Variants in MS4A4E observed in about 807,000 individuals in gnomAD.
The protein encoded by MS4A4E is putative membrane-spanning 4-domains subfamily A member 4E.
MS4A4E carries 23 observed loss-of-function variants against 13.3 expected under a neutral mutation model. The observed-to-expected ratio is 1.73, with a 90% CI of 1.25 to 2.45. The LOEUF is 2.45. MS4A4E is among the 30% of genes most tolerant of loss of function. MS4A4E has a pLI of 0.00. For synonymous variants in MS4A4E, 36 were observed against 45.6 expected, an observed-to-expected ratio of 0.79 and a Z score of 0.85; for missense variants, 144 against 131.2, an observed-to-expected ratio of 1.10 and a Z score of -0.48.
At chr11:60,241,210 G>A (rs899926434) in intron 1 of MS4A4E, among the ~76,000 whole-genome samples, 5 of 152,130 alleles carry the variant, frequency 3.3e-5, no homozygotes, top group Non-Finnish European at 1.5e-5. Flanking sequence ...ATTTTTAGTA[G>A]AGAAGGGATT....
intron 3 of MS4A4E, among the ~76,000 whole-genome samples, chr11:60,225,283 T>C (rs2084326985): frequency 6.6e-6 from 1 of 152,176 alleles, no homozygotes; most frequent in Non-Finnish European, 1.5e-5. Context: ...TCTCTCAGCA[T>C]CTCTACCACT....
intron 6 of MS4A4E, among the ~76,000 whole-genome samples, chr11:60,208,365 T>G (rs1239110495): frequency 6.6e-6 from 1 of 152,082 alleles, no homozygotes; most frequent in African/African-American, 2.4e-5. Flanking sequence ...CACATTCACA[T>G]GAAAGAGAAT....
chr11:60,209,975 A>G (rs1386549775), intron 5 of MS4A4E, among the ~76,000 whole-genome samples: 2 of 152,262 alleles, frequency 1.3e-5, no homozygotes, highest in South Asian at 2.1e-4. Context: ...AGAATATAGA[A>G]CAGCAAACAA....
chr11:60,226,867 T>C (rs180686254), intron 3 of MS4A4E, among the ~76,000 whole-genome samples: 39 of 152,304 alleles, frequency 2.6e-4, no homozygotes, highest in African/African-American at 9.1e-4. Flanking sequence ...GATGACGTGA[T>C]TGTCTGTGTA....
chr11:60,209,757 G>C (rs582407), intron 5 of MS4A4E, among the ~76,000 whole-genome samples: 138,438 of 152,244 alleles, frequency 0.91, 63,113 homozygotes, highest in Non-Finnish European at 0.94. Flanking sequence ...ACTGATGCAG[G>C]GATTATCTGG....
intron 8 of MS4A4E, among the ~76,000 whole-genome samples, chr11:60,202,356 C>T (rs73483282): frequency 0.02 from 3,091 of 152,310 alleles, 101 homozygotes; most frequent in African/African-American, 0.071. Context: ...AGATTAATGA[C>T]AGAGTACACA....
At chr11:60,237,857 T>G (rs939117552) in intron 1 of MS4A4E, among the ~76,000 whole-genome samples, 2 of 152,142 alleles carry the variant, frequency 1.3e-5, no homozygotes, top group African/African-American at 4.8e-5. Context: ...GTGATTCCAT[T>G]CTATTCGTCA....
At chr11:60,239,910 G>A (rs1279308590) in intron 1 of MS4A4E, among the ~76,000 whole-genome samples, 1 of 152,150 alleles carries the variant, frequency 6.6e-6, no homozygotes, top group Non-Finnish European at 1.5e-5. Context: ...TGAGAGAATT[G>A]TCCCCCTCTG....
intron 1 of MS4A4E, among the ~76,000 whole-genome samples, chr11:60,238,319 A>T (rs980635957): frequency 2.0e-5 from 3 of 152,008 alleles, no homozygotes; most frequent in Admixed American, 6.6e-5. Context: ...AAAAGTTTTT[A>T]AAATTCCTCA....
Position 60,229,926 on chromosome 11 carries a change from G to A in MS4A4E, c.130C>T (p.Pro44Ser), listed in dbSNP as rs768127105. ...GLQEKFFKRKPKVLGVLCGHK... is the reference protein window; with the variant it reads ...GLQEKFFKRKSKVLGVLCGHK... ...AATTGACTTACCCCAAGGACTTTGG[G>A]TTTCCTCTTGAAGAACTTCTCTTGC... Residue 44 changes from proline (P) to serine (S), a missense_variant, in exon 2 of 9, where the codon CCC (proline) becomes TCC (serine). By Grantham distance (74) the Pro-to-Ser change is moderately conservative. This residue lies in a region of MS4A4E where 119 missense variants were observed against 88.7 expected (regional missense o/e 1.34). Coordinates refer to ENST00000651255, the MANE Select transcript of MS4A4E (RefSeq NM_001393391.1). The A allele has an allele frequency of 1.2e-6, 2 of 1,607,590 alleles. No homozygotes were observed. The highest frequency in any genetic ancestry group is 8.5e-7 in the Non-Finnish European group (1 of 1,176,630).
At chr11:60,205,570 T>C (rs2084028662) in intron 7 of MS4A4E, among the ~76,000 whole-genome samples, 144 bp downstream of exon 7, 1 of 152,180 alleles carries the variant, frequency 6.6e-6, no homozygotes. Context: ...GGCCAGACAA[T>C]ATTATTACTA....
chr11:60,240,471 A>G (rs1012873170), intron 1 of MS4A4E, among the ~76,000 whole-genome samples: 5 of 152,166 alleles, frequency 3.3e-5, no homozygotes, highest in African/African-American at 1.2e-4. Flanking sequence ...AAATGATCAA[A>G]TGCAAAGACA....
chr11:60,239,947 A>C (rs2134977351), intron 1 of MS4A4E, among the ~76,000 whole-genome samples: 1 of 152,354 alleles, frequency 6.6e-6, no homozygotes, highest in South Asian at 2.1e-4. Flanking sequence ...CACTATAATA[A>C]AGCCCATAAT....
chr11:60,210,270 G>A (rs1353091218), intron 5 of MS4A4E, among the ~76,000 whole-genome samples: 1 of 152,176 alleles, frequency 6.6e-6, no homozygotes, highest in Non-Finnish European at 1.5e-5. Context: ...GATTGTGCAG[G>A]TGCCCAGGCA....
intron 1 of MS4A4E, among the ~76,000 whole-genome samples, chr11:60,231,166 GA>G (rs1275001686): frequency 6.6e-6 from 1 of 151,708 alleles, no homozygotes; most frequent in Non-Finnish European, 1.5e-5. Flanking sequence ...AGCTAGAGGG[GA>G]AAAGTTAAAA....
chr11:60,223,146 C>A (rs2084294330), intron 3 of MS4A4E, among the ~76,000 whole-genome samples: 1 of 152,178 alleles, frequency 6.6e-6, no homozygotes, highest in South Asian at 2.1e-4. Context: ...CAGCTACAAC[C>A]ATGTGATCAG....
intron 6 of MS4A4E, among the ~76,000 whole-genome samples, chr11:60,207,480 C>T (rs560202734): frequency 1.3e-5 from 2 of 152,196 alleles, no homozygotes; most frequent in South Asian, 2.1e-4. Flanking sequence ...AGAGTTAATG[C>T]GCTATAGTCA....
At chr11:60,230,528 A>G (rs533581432) in intron 1 of MS4A4E, among the ~76,000 whole-genome samples, 1 of 152,330 alleles carries the variant, frequency 6.6e-6, no homozygotes, top group African/African-American at 2.4e-5. Context: ...GCACAGCTAA[A>G]TTCTCAGGGC....
chr11:60,238,482 AT>A (rs1348825087), intron 1 of MS4A4E, among the ~76,000 whole-genome samples: 4 of 152,094 alleles, frequency 2.6e-5, no homozygotes, highest in Admixed American at 2.6e-4. Flanking sequence ...ATCCCTTATA[AT>A]TTCTTTAATT....
Sources: gnomAD v4.1 joint callset for allele counts (sites outside exome capture counted in the v4.1 genomes callset) on GRCh38, gnomAD v4.1.1 for gene constraint, gnomAD v4.1.1 regional missense constraint, MANE v1.5 for transcripts, NCBI Gene and HGNC (gene_info 2026-07-23, HGNC 2026-07-21) for gene names.